The following SPSB4 variants were observed in gnomAD, a reference collection of about 807,000 sequenced individuals.
SPSB4 encodes the protein SPRY domain-containing SOCS box protein 4.
A neutral mutation model predicts 20.9 loss-of-function variants in SPSB4; 21 were observed. That is an observed-to-expected ratio of 1.01 (90% confidence interval 0.71 to 1.45). The LOEUF is 1.45. Ranked by LOEUF, SPSB4 falls within the 40% of genes most tolerant of loss-of-function variation. SPSB4 has a pLI of 0.00. For synonymous variants in SPSB4, 207 were observed against 183.8 expected, an observed-to-expected ratio of 1.13 and a Z score of -1.02; for missense variants, 399 against 399.2, an observed-to-expected ratio of 1.00 and a Z score of 0.00.
intron 2 of SPSB4, among the ~76,000 whole-genome samples, chr3:141,073,248 C>T (rs1938039034): frequency 6.6e-6 from 1 of 152,206 alleles, no homozygotes; most frequent in Non-Finnish European, 1.5e-5. Context: ...GCATGAGGCT[C>T]ACAGTAGGTT....
At chr3:141,057,449 T>C (rs376562917) in intron 1 of SPSB4, among the ~76,000 whole-genome samples, 1 of 152,230 alleles carries the variant, frequency 6.6e-6, no homozygotes, top group Admixed American at 6.5e-5. Context: ...CCCAGTTCAT[T>C]CTTAAGTGTT....
intron 2 of SPSB4, among the ~76,000 whole-genome samples, chr3:141,074,489 G>A (rs1938065020): frequency 6.6e-6 from 1 of 152,192 alleles, no homozygotes; most frequent in Non-Finnish European, 1.5e-5. Flanking sequence ...AATCTGTGGT[G>A]GTTTGGATGG....
At chr3:141,076,010 G>A (rs1938101564) in intron 2 of SPSB4, among the ~76,000 whole-genome samples, 1 of 151,980 alleles carries the variant, frequency 6.6e-6, no homozygotes, top group African/African-American at 2.4e-5. Context: ...AGTGAGCTGA[G>A]ATCGAGCCAC....
intron 2 of SPSB4, among the ~76,000 whole-genome samples, chr3:141,130,752 G>C (rs1488409637): frequency 6.6e-6 from 1 of 152,168 alleles, no homozygotes; most frequent in East Asian, 1.9e-4. Flanking sequence ...CACAGAAACA[G>C]GCCATCATAA....
intron 2 of SPSB4, 34 bp from the exon 3 acceptor site, chr3:141,147,108 A>G (rs1476355692): frequency 1.9e-6 from 3 of 1,611,776 alleles, no homozygotes; most frequent in South Asian, 1.1e-5. Context: ...AGGATGGCAC[A>G]GGGCACACTC....
At position 141,139,343 on chromosome 3, in the gene SPSB4, T is replaced by C. The variant is rs1402858010; in HGVS notation, c.695-7799T>C. 2.0e-5 allele frequency among the ~76,000 whole-genome samples: 3 copies of C among 152,128 alleles called. No homozygotes were observed. In the East Asian group the frequency reaches 5.8e-4, roughly 29 times the overall value. ...GCATTTAGCCCATTTACATTTAAGA[T>C]TAGTATTGTTATGTGTGAATGTGAT... On this transcript the variant is annotated intron_variant, in intron 2 of 2. Transcript: ENST00000310546.
chr3:141,053,536 A>T (rs376861916), intron 1 of SPSB4, among the ~76,000 whole-genome samples: 2 of 152,198 alleles, frequency 1.3e-5, no homozygotes, highest in African/African-American at 4.8e-5. Flanking sequence ...ATATATGACA[A>T]ACTGTCACAT....
chr3:141,065,466 C>T (rs1937845991), intron 1 of SPSB4, among the ~76,000 whole-genome samples: 1 of 152,234 alleles, frequency 6.6e-6, no homozygotes, highest in Non-Finnish European at 1.5e-5. Flanking sequence ...AGCCTTGGCA[C>T]AAGGCTTGTC....
Position 141,134,056 on chromosome 3 carries a change from C to CTT in SPSB4, c.695-13068_695-13067dup, listed in dbSNP as rs1222303281. Among the ~76,000 whole-genome samples the CTT allele has an allele frequency of 4.5e-3, 280 of 61,620 alleles. 9 individuals carry two copies. Among genetic ancestry groups the CTT allele is most frequent in the African/African-American group, 0.016 (224 of 14,030 alleles). The allele number at this position is 61,620 out of a possible 152,430, so 40.4% of individuals were successfully genotyped here. On this transcript the variant is annotated intron_variant, in intron 2 of 2. Transcript: ENST00000310546. ...TTTTCTTTTTTTTTTTTTCTTTTTT[C>CTT]TTTTTTTTTTTTTTTTTTTGCAGCT...
chr3:141,119,279 T>C (rs1248631428), intron 2 of SPSB4, among the ~76,000 whole-genome samples: 2 of 152,264 alleles, frequency 1.3e-5, no homozygotes, highest in African/African-American at 2.4e-5. Context: ...ACTCATGATT[T>C]GGCTCTCTGT....
chr3:141,079,068 T>C (rs941968512), intron 2 of SPSB4, among the ~76,000 whole-genome samples: 23 of 152,146 alleles, frequency 1.5e-4, no homozygotes, highest in Admixed American at 6.5e-5. Context: ...GAGACCATCC[T>C]GGCTAACATG....
chr3:141,118,865 C>A (rs1178909785), intron 2 of SPSB4, among the ~76,000 whole-genome samples: 1 of 152,148 alleles, frequency 6.6e-6, no homozygotes, highest in Non-Finnish European at 1.5e-5. Flanking sequence ...TGTTTTGGTA[C>A]CAGTACCATG....
intron 2 of SPSB4, among the ~76,000 whole-genome samples, chr3:141,134,546 C>G (rs1939192924): frequency 6.7e-6 from 1 of 149,876 alleles, no homozygotes; most frequent in East Asian, 2.0e-4. Context: ...TGGATTTTGT[C>G]ACGTTTTTTC....
At chr3:141,092,723 G>A (rs1212528342) in intron 2 of SPSB4, among the ~76,000 whole-genome samples, 1 of 152,354 alleles carries the variant, frequency 6.6e-6, no homozygotes, top group Non-Finnish European at 1.5e-5. Flanking sequence ...AGCAGCCTGG[G>A]CACTGTCCCA....
intron 2 of SPSB4, among the ~76,000 whole-genome samples, chr3:141,126,725 G>A (rs780474930): frequency 2.0e-5 from 3 of 152,202 alleles, no homozygotes; most frequent in Non-Finnish European, 2.9e-5. Context: ...GTCAGAGACA[G>A]GTCCACGAGC....
intron 2 of SPSB4, among the ~76,000 whole-genome samples, chr3:141,101,541 C>T (rs563332477): frequency 6.6e-6 from 1 of 152,344 alleles, no homozygotes; most frequent in South Asian, 2.1e-4. Context: ...CTTCAAGCCT[C>T]TGTCTTCCCA....
chr3:141,102,950 C>T (rs886881988), intron 2 of SPSB4, among the ~76,000 whole-genome samples: 1 of 152,166 alleles, frequency 6.6e-6, no homozygotes, highest in African/African-American at 2.4e-5. Context: ...CCAGGACTCC[C>T]CTCTATTCCC....
chr3:141,080,929 C>T (rs146886940), intron 2 of SPSB4, among the ~76,000 whole-genome samples: 5 of 152,318 alleles, frequency 3.3e-5, no homozygotes, highest in Admixed American at 6.5e-5. Context: ...GCCAGGAAAC[C>T]TGGCCCAGTG....
At chr3:141,134,056 C>CTTTTTTTTTTTTTTTTTTTTTTTTTT (rs1222303281) in intron 2 of SPSB4, among the ~76,000 whole-genome samples, 23 of 61,630 alleles carry the variant, frequency 3.7e-4, no homozygotes, top group Non-Finnish European at 4.9e-4. Context: ...TTTCTTTTTT[C>CTTTTTTTTTTTTTTTTTTTTTTTTTT]TTTTTTTTTT....
Sources: gnomAD v4.1 joint callset for allele counts (sites outside exome capture counted in the v4.1 genomes callset) on GRCh38, gnomAD v4.1.1 for gene constraint, MANE v1.5 for transcripts, NCBI Gene and HGNC (gene_info 2026-07-23, HGNC 2026-07-21) for gene names.